ZMYM2: variants seen among roughly 807,000 people sequenced by gnomAD.
ZMYM2 encodes zinc finger MYM-type containing 2.
Under a neutral mutation model 162.8 loss-of-function variants are expected in ZMYM2, and 56 were observed. The observed-to-expected ratio is 0.34, with a 90% confidence interval of 0.28 to 0.43. The LOEUF is 0.43. Ranked by LOEUF, ZMYM2 falls within the 20% of genes least tolerant of loss-of-function variation. The pLI is 1.00. For synonymous variants in ZMYM2, 510 were observed against 541.6 expected (o/e 0.94, Z 0.81); for missense variants, 1,275 against 1,621.8 (o/e 0.79, Z 3.67).
At chr13:20,049,533 G>A (rs1012976925) in intron 12 of ZMYM2, among the ~76,000 whole-genome samples, 4 of 151,952 alleles carry the variant, frequency 2.6e-5, no homozygotes, top group African/African-American at 7.2e-5. Flanking sequence ...TCTTCTTGTA[G>A]CATTTTATTT....
chr13:19,945,793 A>C, the ZMYM2 span, among the ~76,000 whole-genome samples: 1 of 151,838 alleles, frequency 6.6e-6, no homozygotes, highest in Non-Finnish European at 1.5e-5. Context: ...AAAAAAATAC[A>C]AAAAAATTAG....
Position 20,082,943 on chromosome 13 carries a change from T to G in ZMYM2, c.3731T>G (p.Phe1244Cys). 1 of 1,614,010 alleles carries G rather than the reference T, an allele frequency of 6.2e-7. No individual in the cohort carries two copies. Among genetic ancestry groups the G allele is most frequent in the Non-Finnish European group, 8.5e-7 (1 of 1,179,888 alleles). ...TTAAGACTTTCCTTTGGCACTGTGT[T>G]TAGGCATTGGAAAAAAAATCCTTTA... ...QHLRLSFGTV[F>C]RHWKKNPLTM... Residue 1244 changes from phenylalanine to cysteine, a missense_variant, in exon 23 of 25, where the codon TTT becomes TGT. Around this residue, in one of 10 missense-constraint regions of ZMYM2, gnomAD observed 103 missense variants for 192.2 expected, o/e 0.54. Coordinates refer to ENST00000610343, the MANE Select transcript of ZMYM2 (RefSeq NM_197968.4).
At chr13:19,868,032 CTT>C in the ZMYM2 span, among the ~76,000 whole-genome samples, 1 of 152,234 alleles carries the variant, frequency 6.6e-6, no homozygotes, top group Non-Finnish European at 1.5e-5. Context: ...TCCCCAGAAC[CTT>C]ACTAGTGCCA....
intron 4 of ZMYM2, among the ~76,000 whole-genome samples, chr13:20,003,856 C>G (rs939406778): frequency 6.6e-6 from 1 of 152,114 alleles, no homozygotes; most frequent in African/African-American, 2.4e-5. Flanking sequence ...AGCATATTGT[C>G]CAGACTGGTC....
At chr13:19,870,943 AT>A in the ZMYM2 span, among the ~76,000 whole-genome samples, 29 of 152,126 alleles carry the variant, frequency 1.9e-4, no homozygotes, top group African/African-American at 6.5e-4. Context: ...TGTCATTTCT[AT>A]TGAAGTCATT....
the ZMYM2 span, among the ~76,000 whole-genome samples, chr13:19,911,956 AC>A: frequency 1.4e-4 from 21 of 152,310 alleles, no homozygotes; most frequent in African/African-American, 5.1e-4. Context: ...TTCCCACCAC[AC>A]CTCCATTCAA....
At chr13:20,011,106 C>A (rs1951140453) in intron 6 of ZMYM2, among the ~76,000 whole-genome samples, 1 of 152,122 alleles carries the variant, frequency 6.6e-6, no homozygotes. Context: ...TCTCTTTTAG[C>A]CTTTTGAATC....
At chr13:20,043,192 T>C (rs562499910) in intron 12 of ZMYM2, among the ~76,000 whole-genome samples, 1 of 152,284 alleles carries the variant, frequency 6.6e-6, no homozygotes, top group African/African-American at 2.4e-5. Context: ...AGTCTCAACT[T>C]GATTCTGTCT....
At chr13:19,912,915 A>G in the ZMYM2 span, among the ~76,000 whole-genome samples, 2 of 152,224 alleles carry the variant, frequency 1.3e-5, no homozygotes, top group South Asian at 2.1e-4. Context: ...AAATAGAGGC[A>G]TAACACCTAG....
Position 19,991,079 on chromosome 13 carries a change from CTGTGTGTG to C in ZMYM2, c.-10-1956_-10-1949del, listed in dbSNP as rs56666919. On this transcript the variant is annotated intron_variant, in intron 2 of 24. Transcript: ENST00000610343. ...GTGTGTGTGTGTACGTATGTATTTT[CTGTGTGTG>C]TGTGTGTGTGTGTGTGTGTGTGTGT... Among the ~76,000 whole-genome samples, 284 of 59,946 alleles carry C rather than the reference CTGTGTGTG, an allele frequency of 4.7e-3. 1 individual carries two copies. The highest frequency in any genetic ancestry group is 0.014 in the Non-Finnish European group (227 of 15,906). 39.3% of individuals were successfully genotyped at this position (59,946 alleles called of 152,430 possible).
the ZMYM2 span, among the ~76,000 whole-genome samples, chr13:19,924,526 C>T: frequency 2.6e-5 from 4 of 152,134 alleles, no homozygotes; most frequent in Non-Finnish European, 4.4e-5. Context: ...TCAGATAGCA[C>T]CACTGCACTC....
At chr13:19,929,251 T>TG in the ZMYM2 span, among the ~76,000 whole-genome samples, 5 of 152,052 alleles carry the variant, frequency 3.3e-5, no homozygotes, top group African/African-American at 1.2e-4. Flanking sequence ...TTTTCTCCTT[T>TG]TTTTTGAGAT....
chr13:19,976,689 C>T (rs1594120778), intron 2 of ZMYM2, among the ~76,000 whole-genome samples: 1 of 152,216 alleles, frequency 6.6e-6, no homozygotes. Context: ...TGGCTGTTTT[C>T]AGGTAGCATG....
chr13:19,888,429 T>TG, the ZMYM2 span, among the ~76,000 whole-genome samples: 1 of 151,968 alleles, frequency 6.6e-6, no homozygotes, highest in Admixed American at 6.6e-5. Flanking sequence ...GCTCAAATGA[T>TG]CCTCCTGCCT....
At chr13:19,960,407 T>C (rs1955075299) in intron 2 of ZMYM2, among the ~76,000 whole-genome samples, 1 of 152,266 alleles carries the variant, frequency 6.6e-6, no homozygotes, top group Non-Finnish European at 1.5e-5. Context: ...ACATTTTTTC[T>C]TCCTTAAACA....
chr13:20,029,784 T>TG (rs370691513), intron 9 of ZMYM2, among the ~76,000 whole-genome samples: 5 of 152,206 alleles, frequency 3.3e-5, no homozygotes, highest in African/African-American at 4.8e-5. Flanking sequence ...ATGCTTATAT[T>TG]GTGTCTTATT....
chr13:19,965,659 G>C (rs965305874), intron 2 of ZMYM2, among the ~76,000 whole-genome samples: 5 of 151,722 alleles, frequency 3.3e-5, no homozygotes, highest in Non-Finnish European at 7.4e-5. Flanking sequence ...TAAGTTAAAT[G>C]AAAATTTTAT....
the ZMYM2 span, among the ~76,000 whole-genome samples, chr13:19,875,916 A>G: frequency 2.3e-4 from 35 of 152,288 alleles, no homozygotes; most frequent in South Asian, 6.8e-3. Flanking sequence ...TAGAAGCTCA[A>G]AACTTCAGCA....
At chr13:19,872,954 C>A in the ZMYM2 span, among the ~76,000 whole-genome samples, 104 of 152,046 alleles carry the variant, frequency 6.8e-4, no homozygotes, top group South Asian at 0.018. Flanking sequence ...GAGCCAAGAT[C>A]ACGCCACTGC....
Sources: gnomAD v4.1 joint callset for allele counts (sites outside exome capture counted in the v4.1 genomes callset) on GRCh38, gnomAD v4.1.1 for gene constraint, gnomAD v4.1.1 regional missense constraint, MANE v1.5 for transcripts, NCBI Gene and HGNC (gene_info 2026-07-23, HGNC 2026-07-21) for gene names.